PEX13: variants seen among roughly 807,000 people sequenced by gnomAD.
PEX13 encodes peroxisomal biogenesis factor 13, also known as peroxisome biogenesis factor 13.
A neutral mutation model predicts 34.5 loss-of-function variants in PEX13; 28 were observed. The observed-to-expected ratio is 0.81, with a 90% CI of 0.60 to 1.11. PEX13 has a LOEUF of 1.11. Ranked by LOEUF, PEX13 falls within the 50% of genes most tolerant of loss-of-function variation. PEX13 has a pLI of 0.00. For synonymous variants in PEX13, 177 were observed against 175.1 expected, an observed-to-expected ratio of 1.01 and a Z score of -0.09; for missense variants, 550 against 491.0, an observed-to-expected ratio of 1.12 and a Z score of -1.13.
In PEX13 at chr2:61,050,535, A is replaced by G. The variant is rs1310049587; in HGVS notation, c.*1765A>G. The stretch of plus-strand genomic sequence containing the variant: ...TACGAACATACTACAGAGTAATACT[A>G]TCAGGAATACAGGTGTATAAGAATA... On this transcript the variant is annotated 3_prime_UTR_variant, in exon 4 of 4. Transcript: ENST00000295030. The G allele has an allele frequency of 6.6e-6, 1 of 152,372 alleles. No individual in the cohort carries two copies. The highest frequency in any genetic ancestry group is 6.5e-5 in the Admixed American group (1 of 15,276). 9.4% of individuals were successfully genotyped at this position (152,372 alleles called of 1,614,324 possible).
intron 2 of PEX13, among the ~76,000 whole-genome samples, chr2:61,035,649 C>A (rs906855485): frequency 3.3e-5 from 5 of 152,098 alleles, no homozygotes; most frequent in African/African-American, 1.2e-4. Context: ...GAGCTAAAAG[C>A]CACAGCACAA....
Position 61,031,921 on chromosome 2 carries a change from T to G in PEX13, c.595T>G (p.Leu199Val). The change falls in exon 2 of 4, where the codon TTA (leucine) becomes GTA (valine). Residue 199 changes from leucine (L) to valine (V), a missense_variant. Leu to Val is a conservative substitution (Grantham distance 32). Coordinates refer to ENST00000295030, the MANE Select transcript of PEX13 (RefSeq NM_002618.4). ...TCTTTACAGACGGCTACAGCGGATG[T>G]TAGGTTTAAGAAGAGGCTCTGAGAA... ...RYLYRRLQRM[L>V]GLRRGSENED... 1 of 1,614,044 alleles carries G rather than the reference T, an allele frequency of 6.2e-7. No individual in the cohort carries two copies. The highest frequency in any genetic ancestry group is 8.5e-7 in the Non-Finnish European group (1 of 1,179,912).
At chr2:61,032,494 C>T (rs905930645) in intron 2 of PEX13, among the ~76,000 whole-genome samples, 1 of 151,952 alleles carries the variant, frequency 6.6e-6, no homozygotes, top group Non-Finnish European at 1.5e-5. Flanking sequence ...TTTCTTGAAC[C>T]TTTTTTAATA....
rs780260517 is a variant in PEX13 at position 61,032,064 on chromosome 2, TCCTTA to T, written c.742_746del (p.Tyr248HisfsTer10). On this transcript the variant is annotated frameshift_variant, in exon 2 of 4. Transcript: ENST00000295030. LOFTEE classifies it high-confidence loss of function. ...TGTTCTTTGCTGTTATCCTTGGTGG[TCCTTA>T]CCTCATTTGGAAACTATTGTCTACT... The T allele has an allele frequency of 1.2e-6, 2 of 1,613,568 alleles. No homozygotes were observed. Among genetic ancestry groups the T allele is most frequent in the Non-Finnish European group, 1.7e-6 (2 of 1,179,876 alleles).
chr2:61,034,428 G>C (rs1680501813), intron 2 of PEX13, among the ~76,000 whole-genome samples: 2 of 152,228 alleles, frequency 1.3e-5, no homozygotes, highest in South Asian at 2.1e-4. Context: ...TCCAACTGAG[G>C]TACCTAGTTC....
intron 2 of PEX13, among the ~76,000 whole-genome samples, chr2:61,045,261 A>G (rs774867086): frequency 1.2e-4 from 19 of 152,218 alleles, no homozygotes; most frequent in Non-Finnish European, 2.4e-4. Flanking sequence ...TTGATTTCCA[A>G]TTAAGTGAAA....
intron 2 of PEX13, among the ~76,000 whole-genome samples, chr2:61,036,532 A>C (rs186113751): frequency 6.6e-6 from 1 of 152,218 alleles, no homozygotes; most frequent in Non-Finnish European, 1.5e-5. Flanking sequence ...ACTAAGCTTC[A>C]TAAGCGAAGG....
At chr2:61,041,617 A>G (rs984567763) in intron 2 of PEX13, among the ~76,000 whole-genome samples, 9 of 152,178 alleles carry the variant, frequency 5.9e-5, no homozygotes, top group African/African-American at 1.7e-4. Context: ...TAAAGGGTAA[A>G]TAAAGTCAGA....
At chr2:61,029,276 T>C (rs1470338938) in intron 1 of PEX13, among the ~76,000 whole-genome samples, 1 of 151,868 alleles carries the variant, frequency 6.6e-6, no homozygotes, top group African/African-American at 2.4e-5. Flanking sequence ...AAAATGCAAA[T>C]TAAAACCACA....
intron 3 of PEX13, among the ~76,000 whole-genome samples, chr2:61,047,212 G>A (rs1680716930): frequency 6.6e-6 from 1 of 151,872 alleles, no homozygotes; most frequent in Admixed American, 6.6e-5. Context: ...CTCGAGTGCA[G>A]TGGCACGATC....
chr2:61,022,277 C>G (rs1440347277), intron 1 of PEX13, among the ~76,000 whole-genome samples: 1 of 152,100 alleles, frequency 6.6e-6, no homozygotes, highest in East Asian at 1.9e-4. Flanking sequence ...AGCTAAAAAC[C>G]TTGAAAAAAG....
intron 1 of PEX13, 41 bp downstream of exon 1, chr2:61,017,892 G>C: frequency 4.6e-6 from 7 of 1,533,352 alleles, no homozygotes; most frequent in Non-Finnish European, 8.8e-7. Context: ...TAGTGGGCCC[G>C]AGCGGGGACT....
At chr2:61,030,311 C>T (rs1445062667) in intron 1 of PEX13, among the ~76,000 whole-genome samples, 1 of 152,176 alleles carries the variant, frequency 6.6e-6, no homozygotes, top group Non-Finnish European at 1.5e-5. Context: ...GACAAACGTA[C>T]ATCAGGTAAA....
rs865938493 is a variant in PEX13 at position 61,017,781 on chromosome 2, C to A, written c.22C>A (p.Pro8Thr). The A allele has an allele frequency of 1.3e-6, 2 of 1,549,734 alleles. No individual in the cohort carries two copies. The highest frequency in any genetic ancestry group is 1.7e-6 in the Non-Finnish European group (2 of 1,146,562). Residue 8 changes from proline (P) to threonine (T), a missense_variant, in exon 1 of 4, where the codon CCC (proline) becomes ACC (threonine). Coordinates refer to ENST00000295030, the MANE Select transcript of PEX13 (RefSeq NM_002618.4). MASQPPP[P>T]PKPWETRRIP... The stretch of plus-strand genomic sequence containing the variant: ...GGAGATGGCGTCCCAGCCGCCACCT[C>A]CCCCCAAACCCTGGGAGACCCGCCG...
At position 61,031,473 on chromosome 2, in the gene PEX13, C is replaced by T. The variant is rs776527517; in HGVS notation, c.147C>T (p.Thr49=). The T allele has an allele frequency of 6.2e-7, 1 of 1,614,144 alleles. No homozygotes were observed. The highest frequency in any genetic ancestry group is 8.5e-7 in the Non-Finnish European group (1 of 1,179,992). Residue 49 remains threonine, a synonymous_variant, in exon 2 of 4, where the codon ACC becomes ACT. Coordinates refer to ENST00000295030, the MANE Select transcript of PEX13 (RefSeq NM_002618.4). ...CAAGACCTGGACAACCAGCACTTAC[C>T]AGAGTGCCCCCACCTATTCTTCCAA... The part of the protein sequence containing the change: ...LMTRPGQPAL[T]RVPPPILPRP...
chr2:61,042,437 G>A (rs969399188), intron 2 of PEX13, among the ~76,000 whole-genome samples: 1 of 151,942 alleles, frequency 6.6e-6, no homozygotes, highest in African/African-American at 2.4e-5. Flanking sequence ...AGAAAAAAGT[G>A]TACTTTGAGT....
intron 1 of PEX13, chr2:61,018,229 A>G: frequency 1.3e-6 from 2 of 1,551,068 alleles, no homozygotes; most frequent in South Asian, 2.4e-5. Flanking sequence ...TTGTCCAGCC[A>G]CGGCATCGAC....
Position 61,045,819 on chromosome 2 carries a change from G to C in PEX13, c.881G>C (p.Arg294Pro). 1 of 1,613,102 alleles carries C rather than the reference G, an allele frequency of 6.2e-7. No homozygotes were observed. The highest frequency in any genetic ancestry group is 8.5e-7 in the Non-Finnish European group (1 of 1,179,196). The part of the protein sequence containing the change: ...AAVSEEEISF[R>P]AGDMLNLALK... ...GTATCTGAAGAAGAAATTTCTTTCC[G>C]GGCTGGTGATATGCTGAACTTAGCT... is the stretch of plus-strand genomic sequence containing the variant. The change falls in exon 3 of 4, where the codon CGG becomes CCG. Residue 294 changes from arginine to proline, a missense_variant. By Grantham distance (103) the Arg-to-Pro change is moderately radical. Transcript: ENST00000295030.
At chr2:61,041,224 G>C (rs1383658504) in intron 2 of PEX13, among the ~76,000 whole-genome samples, 1 of 152,176 alleles carries the variant, frequency 6.6e-6, no homozygotes, top group Admixed American at 6.5e-5. Context: ...AGTTACTTGG[G>C]AGGCTGAGAT....
Sources: gnomAD v4.1 joint callset for allele counts (sites outside exome capture counted in the v4.1 genomes callset) on GRCh38, gnomAD v4.1.1 for gene constraint, MANE v1.5 for transcripts, NCBI Gene and HGNC (gene_info 2026-07-23, HGNC 2026-07-21) for gene names.